The following USP32 variants were observed in gnomAD, a reference collection of about 807,000 sequenced individuals.
The protein encoded by USP32 is ubiquitin carboxyl-terminal hydrolase 32.
In USP32, 59 loss-of-function variants were observed where a neutral mutation model predicts 204.8. That is an observed-to-expected ratio of 0.29 (90% confidence interval 0.23 to 0.36). USP32 has a LOEUF of 0.36. Among genes scored for constraint, USP32 ranks in the 10% least tolerant of loss-of-function variants. The pLI is 1.00. For synonymous variants in USP32, 517 were observed against 678.4 expected (o/e 0.76, Z 3.70); for missense variants, 1,160 against 1,946.4 (o/e 0.60, Z 7.60).
intron 11 of USP32, among the ~76,000 whole-genome samples, chr17:60,250,416 G>T (rs1225351491): frequency 1.3e-5 from 2 of 151,908 alleles, no homozygotes; most frequent in Admixed American, 6.5e-5. Flanking sequence ...TATGCTAAGT[G>T]ATATTTACCT....
At chr17:60,317,296 T>C (rs1299863302) in intron 2 of USP32, among the ~76,000 whole-genome samples, 2 of 151,890 alleles carry the variant, frequency 1.3e-5, no homozygotes, top group African/African-American at 4.8e-5. Context: ...CAAGGATCAC[T>C]TGAGCCCAGG....
intron 1 of USP32, among the ~76,000 whole-genome samples, chr17:60,363,778 CG>C (rs757959580): frequency 2.0e-5 from 3 of 152,032 alleles, no homozygotes; most frequent in South Asian, 2.1e-4. Flanking sequence ...AGATTATACA[CG>C]TGAGCCACTG....
chr17:60,224,974 C>T (rs553609390), intron 13 of USP32, among the ~76,000 whole-genome samples: 84 of 152,264 alleles, frequency 5.5e-4, no homozygotes, highest in African/African-American at 1.2e-3. Context: ...AATTCTTTCT[C>T]AGTATTTTAA....
At chr17:60,294,943 T>C in intron 3 of USP32, 142 bp from the exon 4 acceptor site, 1 of 559,516 alleles carries the variant, frequency 1.8e-6, no homozygotes, top group Non-Finnish European at 3.1e-6. Flanking sequence ...TTCCTTAAAA[T>C]AATCCAGCAA....
chr17:60,250,933 T>C (rs1024244208), intron 11 of USP32, among the ~76,000 whole-genome samples: 2 of 151,788 alleles, frequency 1.3e-5, no homozygotes, highest in African/African-American at 4.8e-5. Flanking sequence ...TGGCCACCCA[T>C]TTATTCCTTT....
At chr17:60,272,107 G>A (rs2086737345) in intron 5 of USP32, among the ~76,000 whole-genome samples, 1 of 152,064 alleles carries the variant, frequency 6.6e-6, no homozygotes, top group Non-Finnish European at 1.5e-5. Flanking sequence ...GAGCCACTGT[G>A]CTCAGCCATT....
intron 2 of USP32, among the ~76,000 whole-genome samples, chr17:60,328,129 C>CTG (rs1436123409): frequency 2.0e-5 from 3 of 152,224 alleles, no homozygotes; most frequent in Non-Finnish European, 2.9e-5. Flanking sequence ...GCTGCTAGTC[C>CTG]TGTGGACTGG....
intron 1 of USP32, among the ~76,000 whole-genome samples, chr17:60,346,262 A>G (rs1311518501): frequency 1.3e-5 from 2 of 152,150 alleles, no homozygotes; most frequent in South Asian, 2.1e-4. Context: ...TTAACATTCA[A>G]TTTTCAAAAG....
chr17:60,244,028 T>C (rs34224844), intron 11 of USP32, among the ~76,000 whole-genome samples: 1 of 142,384 alleles, frequency 7.0e-6, no homozygotes, highest in Admixed American at 7.0e-5. Flanking sequence ...AGCTGGATTG[T>C]GTTTTTTTTT....
At chr17:60,345,394 T>A in intron 2 of USP32, 87 bp downstream of exon 2, 1 of 1,533,498 alleles carries the variant, frequency 6.5e-7, no homozygotes, top group Non-Finnish European at 8.8e-7. Context: ...TAAGATTAAA[T>A]CTGTTAAGAG....
intron 1 of USP32, among the ~76,000 whole-genome samples, chr17:60,416,347 C>G (rs1379140538): frequency 6.6e-6 from 1 of 152,060 alleles, no homozygotes; most frequent in Non-Finnish European, 1.5e-5. Context: ...ATCACATATA[C>G]TAGGGGATGG....
chr17:60,345,564 T>G lies in USP32; in HGVS notation c.103A>C (p.Thr35Pro). 1 of 1,614,180 alleles carries G rather than the reference T, an allele frequency of 6.2e-7. No homozygotes were observed. Among genetic ancestry groups the G allele is most frequent in the Non-Finnish European group, 8.5e-7 (1 of 1,180,018 alleles). The change falls in exon 2 of 34, where the codon ACC becomes CCC. Residue 35 changes from threonine to proline, a missense_variant. Physicochemically the swap from Thr to Pro is conservative, Grantham distance 38 (BLOSUM62 -1). Around this residue, in one of 8 missense-constraint regions of USP32, gnomAD observed 536 missense variants for 680.9 expected, o/e 0.79. Coordinates refer to ENST00000300896, the MANE Select transcript of USP32 (RefSeq NM_032582.4). ...LKRLKDAFKR[T>P]CGLSYYMGQH... ...CCCATGTAATATGAGAGTCCACAGG[T>G]CCTCTTGAAAGCATCCTTCAGTCGT... is the stretch of plus-strand genomic sequence containing the variant.
chr17:60,407,332 A>G (rs776752979), intron 1 of USP32, among the ~76,000 whole-genome samples: 1 of 152,168 alleles, frequency 6.6e-6, no homozygotes, highest in Non-Finnish European at 1.5e-5. Context: ...GAACAATTGA[A>G]GAGATGTAAC....
intron 12 of USP32, among the ~76,000 whole-genome samples, chr17:60,232,346 T>C (rs2085585682): frequency 6.6e-6 from 1 of 151,342 alleles, no homozygotes; most frequent in Non-Finnish European, 1.5e-5. Context: ...CTAATTTTTA[T>C]ATTTTTAGTA....
chr17:60,316,077 A>G, intron 2 of USP32: 1 of 217,382 alleles, frequency 4.6e-6, no homozygotes, highest in South Asian at 6.0e-5. Context: ...CTTCCAGAAT[A>G]CAGTTACTGG....
At chr17:60,381,336 G>A (rs1220067342) in intron 1 of USP32, among the ~76,000 whole-genome samples, 1 of 151,822 alleles carries the variant, frequency 6.6e-6, no homozygotes, top group Non-Finnish European at 1.5e-5. Flanking sequence ...AGACACTTGG[G>A]AGGCTGAGAT....
chr17:60,226,106 A>G lies in USP32; in HGVS notation c.1365T>C (p.Asn455=). The change falls in exon 13 of 34, where the codon AAT becomes AAC. Residue 455 remains asparagine (N), a synonymous_variant. Transcript: ENST00000300896. ...DRIGSSLSYV[N]TTEEKFSDNI... is the part of the protein sequence containing the mutation. ...TGTCTGAAAATTTCTCTTCTGTAGTATTCACGTAACTGAGGCTGCTTCCAA... is the reference window on the plus strand; with the variant it reads ...TGTCTGAAAATTTCTCTTCTGTAGTGTTCACGTAACTGAGGCTGCTTCCAA... The G allele has an allele frequency of 6.2e-7, 1 of 1,608,020 alleles. No homozygotes were observed. Among genetic ancestry groups the G allele is most frequent in the South Asian group, 1.1e-5 (1 of 89,630 alleles).
intron 2 of USP32, among the ~76,000 whole-genome samples, chr17:60,324,172 C>T (rs1598245648): frequency 6.6e-6 from 1 of 151,848 alleles, no homozygotes; most frequent in Non-Finnish European, 1.5e-5. Context: ...GTCCCAGCTA[C>T]TTGGGAGGCT....
intron 11 of USP32, among the ~76,000 whole-genome samples, chr17:60,242,152 G>C (rs950449669): frequency 5.9e-5 from 9 of 152,120 alleles, no homozygotes; most frequent in Middle Eastern, 3.2e-3. Flanking sequence ...ATGTTGTACA[G>C]GCTGGTATGA....
Sources: gnomAD v4.1 joint callset for allele counts (sites outside exome capture counted in the v4.1 genomes callset) on GRCh38, gnomAD v4.1.1 for gene constraint, gnomAD v4.1.1 regional missense constraint, MANE v1.5 for transcripts, NCBI Gene and HGNC (gene_info 2026-07-23, HGNC 2026-07-21) for gene names.